The following FAP variants were observed in gnomAD, a reference collection of about 807,000 sequenced individuals.
The protein encoded by FAP is prolyl endopeptidase FAP.
In FAP, 110 loss-of-function variants were observed where a neutral mutation model predicts 126.5. That is an observed-to-expected ratio of 0.87 (90% CI 0.74 to 1.02). The LOEUF (loss-of-function observed/expected upper bound fraction) is 1.02, where lower values mean the gene tolerates loss of function less well. FAP is among the 50% of genes least tolerant of loss of function. FAP has a pLI of 0.00. For synonymous variants in FAP, 334 were observed against 297.3 expected (o/e 1.12, Z -1.27); for missense variants, 919 against 909.2 (o/e 1.01, Z -0.14).
chr2:162,192,027 C>G (rs962632982), intron 17 of FAP, among the ~76,000 whole-genome samples: 24 of 152,094 alleles, frequency 1.6e-4, no homozygotes, highest in African/African-American at 5.3e-4. Context: ...CCTCCCTCCT[C>G]TATGTTTTCC....
At chr2:162,171,794 A>G (rs1351915507) in intron 25 of FAP, 3 of 149,280 alleles carry the variant, frequency 2.0e-5, no homozygotes, top group Non-Finnish European at 2.9e-5. Context: ...AATTTGATAT[A>G]TAATAGTTGT....
chr2:162,206,696 T>G (rs1688709456), intron 12 of FAP, among the ~76,000 whole-genome samples: 1 of 152,228 alleles, frequency 6.6e-6, no homozygotes, highest in African/African-American at 2.4e-5. Flanking sequence ...TTCACTTTTC[T>G]GTCCTCTACA....
Position 162,198,898 on chromosome 2 carries a change from A to G in FAP, c.1278-17T>C, listed in dbSNP as rs754544377. 6.2e-7 allele frequency: 1 copy of G among 1,611,964 alleles called. No individual in the cohort carries two copies. Among genetic ancestry groups the G allele is most frequent in the Admixed American group, 1.7e-5 (1 of 59,920 alleles). On this transcript the variant is annotated splice_polypyrimidine_tract_variant and intron_variant, in intron 15 of 25. Transcript: ENST00000188790. The stretch of plus-strand genomic sequence containing the variant: ...ATGCTAATTCTAGAGGGAAATGAAA[A>G]TAAAACTAAGCTGAAATTTTGAGAT...
At chr2:162,231,116 C>A (rs1689882489) in intron 2 of FAP, among the ~76,000 whole-genome samples, 1 of 152,100 alleles carries the variant, frequency 6.6e-6, no homozygotes, top group Non-Finnish European at 1.5e-5. Context: ...GAAAAGTGGA[C>A]AAAAGGCAAG....
intron 2 of FAP, among the ~76,000 whole-genome samples, chr2:162,234,792 G>A (rs1047550339): frequency 6.6e-6 from 1 of 152,128 alleles, no homozygotes; most frequent in Non-Finnish European, 1.5e-5. Context: ...CCGCTGCACC[G>A]TAGGAGCCTT....
intron 21 of FAP, 96 bp from the exon 22 acceptor site, chr2:162,175,062 G>A: frequency 1.2e-6 from 1 of 822,388 alleles, no homozygotes; most frequent in Non-Finnish European, 2.0e-6. Flanking sequence ...GGACTGAAGG[G>A]AGCTGGAGAA....
At chr2:162,229,178 A>T (rs1402199462) in intron 2 of FAP, among the ~76,000 whole-genome samples, 1 of 152,160 alleles carries the variant, frequency 6.6e-6, no homozygotes, top group Non-Finnish European at 1.5e-5. Context: ...CTTAATTAAG[A>T]CATTTATAGC....
chr2:162,214,299 G>A (rs1401658252), intron 10 of FAP, among the ~76,000 whole-genome samples: 1 of 152,004 alleles, frequency 6.6e-6, no homozygotes, highest in African/African-American at 2.4e-5. Flanking sequence ...CATTTCATAT[G>A]TGAGTTTTCT....
At chr2:162,211,734 A>G (rs74462946) in intron 11 of FAP, among the ~76,000 whole-genome samples, 133 of 152,352 alleles carry the variant, frequency 8.7e-4, no homozygotes, top group Non-Finnish European at 1.5e-3. Flanking sequence ...AGGAGGAAGC[A>G]TAATATAAAA....
chr2:162,196,264 G>C (rs182814376), intron 16 of FAP, among the ~76,000 whole-genome samples: 1 of 152,176 alleles, frequency 6.6e-6, no homozygotes, highest in East Asian at 1.9e-4. Flanking sequence ...AAAAAGGATA[G>C]TATTTATTAG....
Position 162,211,913 on chromosome 2 carries a change from G to GCA in FAP, c.1003-1919_1003-1918dup, listed in dbSNP as rs142013685. Among the ~76,000 whole-genome samples the GCA allele has an allele frequency of 7.8e-4, 118 of 151,012 alleles. 1 individual carries two copies. The South Asian group carries it at 9.6e-3, about 12-fold the overall frequency. ...TAAATATTGTTTTCAAAGTGTGTGC[G>GCA]CACACACACACACACATCAGTCATG... On this transcript the variant is annotated intron_variant, in intron 11 of 25. Coordinates refer to ENST00000188790, the MANE Select transcript of FAP (RefSeq NM_004460.5).
At chr2:162,214,196 G>T in intron 10 of FAP, 123 bp from the exon 11 acceptor site, 1 of 747,454 alleles carries the variant, frequency 1.3e-6, no homozygotes, top group Non-Finnish European at 2.0e-6. Flanking sequence ...TAATAGGTAA[G>T]CAAGACAAAA....
intron 22 of FAP, among the ~76,000 whole-genome samples, chr2:162,174,086 T>C (rs1687403166): frequency 6.6e-6 from 1 of 152,166 alleles, no homozygotes; most frequent in South Asian, 2.1e-4. Flanking sequence ...GGAAGAATGT[T>C]GAAGTAGGAA....
chr2:162,241,875 T>G (rs2106310281), intron 2 of FAP, among the ~76,000 whole-genome samples: 1 of 152,320 alleles, frequency 6.6e-6, no homozygotes, highest in East Asian at 1.9e-4. Context: ...GTTAACCTAT[T>G]CTATTTTGTA....
At chr2:162,234,816 C>G in intron 2 of FAP, among the ~76,000 whole-genome samples, 1 of 152,042 alleles carries the variant, frequency 6.6e-6, no homozygotes, top group African/African-American at 2.4e-5. Context: ...CTGGGCTGGC[C>G]GAGGCTGGAG....
chr2:162,238,149 C>A (rs1400373127), intron 2 of FAP, among the ~76,000 whole-genome samples: 1 of 151,796 alleles, frequency 6.6e-6, no homozygotes, highest in African/African-American at 2.4e-5. Context: ...CTGTAGGTTG[C>A]CTGTTCACTC....
At chr2:162,197,288 GA>G (rs1325321989) in intron 16 of FAP, among the ~76,000 whole-genome samples, 1 of 152,180 alleles carries the variant, frequency 6.6e-6, no homozygotes, top group Non-Finnish European at 1.5e-5. Flanking sequence ...AAGATTAAAA[GA>G]ATGTAGCCCC....
At chr2:162,233,747 C>A (rs1054180455) in intron 2 of FAP, among the ~76,000 whole-genome samples, 20 of 152,006 alleles carry the variant, frequency 1.3e-4, no homozygotes, top group Non-Finnish European at 2.9e-4. Context: ...TGTATGTTTT[C>A]TTTTGTTTCT....
At chr2:162,210,587 T>C (rs764426023) in intron 11 of FAP, among the ~76,000 whole-genome samples, 1 of 152,140 alleles carries the variant, frequency 6.6e-6, no homozygotes, top group Non-Finnish European at 1.5e-5. Flanking sequence ...AGGAAAGAGT[T>C]AGAAGATGAA....
Sources: gnomAD v4.1 joint callset for allele counts (sites outside exome capture counted in the v4.1 genomes callset) on GRCh38, gnomAD v4.1.1 for gene constraint, MANE v1.5 for transcripts, NCBI Gene and HGNC (gene_info 2026-07-23, HGNC 2026-07-21) for gene names.